Variants in GPHN observed in about 807,000 individuals in gnomAD.
The protein encoded by GPHN is gephyrin.
GPHN carries 17 observed loss-of-function variants against 95.5 expected under a neutral mutation model. The ratio of observed to expected loss-of-function variants is 0.18; its 90% confidence interval spans 0.12 to 0.27. The LOEUF is 0.27. Among genes scored for constraint, GPHN ranks in the 10% least tolerant of loss-of-function variants. The pLI is 1.00. For synonymous variants in GPHN, 320 were observed against 322.5 expected (o/e 0.99, Z 0.08); for missense variants, 660 against 978.1 (o/e 0.67, Z 4.34).
intron 7 of GPHN, among the ~76,000 whole-genome samples, chr14:66,923,813 T>A (rs2066340790): frequency 6.6e-6 from 1 of 152,098 alleles, no homozygotes; most frequent in Non-Finnish European, 1.5e-5. Context: ...TTTAATAATA[T>A]ATAGATTAGA....
intron 1 of GPHN, among the ~76,000 whole-genome samples, chr14:66,544,648 C>T (rs924019408): frequency 1.9e-4 from 28 of 150,576 alleles, no homozygotes; most frequent in African/African-American, 6.4e-4. Context: ...GGGGATTTGG[C>T]AGGGTCACAG....
At chr14:67,310,876 C>T in the GPHN span, among the ~76,000 whole-genome samples, 1 of 152,044 alleles carries the variant, frequency 6.6e-6, no homozygotes, top group African/African-American at 2.4e-5. Flanking sequence ...AGCATTTTTT[C>T]CAATTTCATA....
chr14:66,626,449 A>G (rs1483072078), intron 1 of GPHN, among the ~76,000 whole-genome samples: 1 of 152,126 alleles, frequency 6.6e-6, no homozygotes, highest in East Asian at 1.9e-4. Context: ...TCACCGAAGG[A>G]TGAAGATTTA....
chr14:66,668,902 A>G (rs948330906), intron 1 of GPHN, among the ~76,000 whole-genome samples: 9 of 144,812 alleles, frequency 6.2e-5, no homozygotes, highest in Admixed American at 1.4e-4. Flanking sequence ...TTTTTTTGAG[A>G]CAGAGTGTCG....
chr14:67,677,505 C>A, the GPHN span: 1 of 149,646 alleles, frequency 6.7e-6, no homozygotes, highest in African/African-American at 2.5e-5. Flanking sequence ...ACTAGTTAAT[C>A]CTTAAAGGGC....
At chr14:67,430,100 C>A in the GPHN span, among the ~76,000 whole-genome samples, 1 of 152,114 alleles carries the variant, frequency 6.6e-6, no homozygotes, top group African/African-American at 2.4e-5. Flanking sequence ...CGAGAGGAGC[C>A]CGAACCTGGC....
intron 1 of GPHN, among the ~76,000 whole-genome samples, chr14:66,545,107 C>T (rs927978559): frequency 2.0e-5 from 3 of 152,240 alleles, no homozygotes; most frequent in East Asian, 1.9e-4. Flanking sequence ...ACCTCCCAGA[C>T]GGGGTGGTGG....
At chr14:66,918,836 T>C (rs1232898638) in intron 6 of GPHN, among the ~76,000 whole-genome samples, 1 of 152,004 alleles carries the variant, frequency 6.6e-6, no homozygotes, top group East Asian at 1.9e-4. Flanking sequence ...CTTTAAAGAG[T>C]AAACTGATTG....
chr14:67,237,202 T>C, the GPHN span, among the ~76,000 whole-genome samples: 3 of 152,122 alleles, frequency 2.0e-5, no homozygotes, highest in African/African-American at 7.2e-5. Flanking sequence ...TCTGCTTTTA[T>C]TATACATTAT....
chr14:66,849,462 C>A (rs924541781), intron 4 of GPHN, among the ~76,000 whole-genome samples: 1 of 151,936 alleles, frequency 6.6e-6, no homozygotes, highest in Admixed American at 6.6e-5. Context: ...CTAAATTACC[C>A]TCTTAGAATA....
intron 18 of GPHN, among the ~76,000 whole-genome samples, chr14:67,148,558 CT>C (rs368140123): frequency 1.9e-3 from 206 of 109,042 alleles, no homozygotes; most frequent in Admixed American, 3.7e-3. Flanking sequence ...ACTTTATTTG[CT>C]TTTTTTTTTT....
At chr14:67,083,706 G>A (rs1272383036) in intron 11 of GPHN, among the ~76,000 whole-genome samples, 2 of 152,076 alleles carry the variant, frequency 1.3e-5, no homozygotes, top group South Asian at 2.1e-4. Flanking sequence ...TATAGATAAC[G>A]GATGTAGACT....
At chr14:67,691,004 A>T in the GPHN span, 7 of 670,584 alleles carry the variant, frequency 1.0e-5, no homozygotes, top group Admixed American at 1.1e-4. Flanking sequence ...ATCAGGTAGG[A>T]CCAAACTATT....
chr14:67,024,376 C>G (rs182504479), intron 10 of GPHN, among the ~76,000 whole-genome samples: 67 of 152,244 alleles, frequency 4.4e-4, no homozygotes, highest in African/African-American at 1.5e-3. Flanking sequence ...TATTATTGTT[C>G]TCTATATCTT....
In GPHN at chr14:66,795,544, C is replaced by T. The variant is rs543623412; in HGVS notation, c.201+19023C>T. Among the ~76,000 whole-genome samples the T allele has an allele frequency of 2.6e-5, 4 of 151,916 alleles. No homozygotes were observed. The South Asian group carries it at 8.3e-4, about 32-fold the overall frequency. On this transcript the variant is annotated intron_variant, in intron 3 of 22. Transcript: ENST00000478722. The stretch of plus-strand genomic sequence containing the variant: ...TTATTCAGTTTTCTTCTTCAGTTAA[C>T]TTGTTATATATTCTTCGAATGTGTT...
intron 5 of GPHN, among the ~76,000 whole-genome samples, chr14:66,883,640 C>A (rs572830444): frequency 6.6e-6 from 1 of 151,848 alleles, no homozygotes; most frequent in Non-Finnish European, 1.5e-5. Flanking sequence ...TGTTAAAATC[C>A]TTTGGGGAAT....
chr14:67,461,674 C>T, the GPHN span, among the ~76,000 whole-genome samples: 1 of 152,010 alleles, frequency 6.6e-6, no homozygotes, highest in African/African-American at 2.4e-5. Context: ...AGAAACAATG[C>T]ACAGTCAGAA....
At chr14:67,214,333 A>G in the GPHN span, among the ~76,000 whole-genome samples, 5 of 152,200 alleles carry the variant, frequency 3.3e-5, no homozygotes, top group African/African-American at 1.2e-4. Context: ...ATCTTGAATT[A>G]ATTTTTGTAT....
the GPHN span, chr14:67,695,770 T>C: frequency 4.8e-6 from 7 of 1,453,542 alleles, no homozygotes; most frequent in Non-Finnish European, 6.7e-6. Flanking sequence ...GGCTTCTCTT[T>C]CTAGACACGC....
Sources: allele counts gnomAD v4.1 joint callset (sites outside exome capture counted in the v4.1 genomes callset), GRCh38; gene constraint gnomAD v4.1.1; transcripts MANE v1.5; gene names NCBI Gene and HGNC (gene_info 2026-07-23, HGNC 2026-07-21).